The following DDAH1 variants were observed in gnomAD, a reference collection of about 807,000 sequenced individuals.
DDAH1 encodes the protein N(G),N(G)-dimethylarginine dimethylaminohydrolase 1.
Under a neutral mutation model 28.8 loss-of-function variants are expected in DDAH1, and 19 were observed. The observed-to-expected ratio is 0.66, with a 90% confidence interval of 0.46 to 0.97. The LOEUF is 0.97. DDAH1 is among the 50% of genes least tolerant of loss of function. The pLI, the probability that DDAH1 is intolerant of heterozygous loss-of-function variation, is 0.00. For missense variants in DDAH1, 326 were observed against 375.9 expected (o/e 0.87, Z 1.10); for synonymous variants, 153 against 154.4 (o/e 0.99, Z 0.07).
intron 1 of DDAH1, among the ~76,000 whole-genome samples, chr1:85,568,387 T>C (rs1456405185): frequency 6.6e-6 from 1 of 152,234 alleles, no homozygotes; most frequent in African/African-American, 2.4e-5. Flanking sequence ...AATGGAATCC[T>C]GGAGCACTGT....
At chr1:85,344,746 T>C (rs893826905) in intron 4 of DDAH1, among the ~76,000 whole-genome samples, 11 of 152,198 alleles carry the variant, frequency 7.2e-5, no homozygotes, top group South Asian at 2.1e-4. Context: ...CCTGTGACGA[T>C]AGCATGTAAT....
chr1:85,515,819 A>G (rs1657449548), intron 1 of DDAH1, among the ~76,000 whole-genome samples: 3 of 152,230 alleles, frequency 2.0e-5, no homozygotes, highest in Admixed American at 2.0e-4. Flanking sequence ...GATTTAAAAC[A>G]TAGTGGATGA....
At chr1:85,508,013 G>A (rs923677287) in intron 1 of DDAH1, among the ~76,000 whole-genome samples, 9 of 152,138 alleles carry the variant, frequency 5.9e-5, no homozygotes, top group African/African-American at 2.2e-4. Context: ...AATTTCATCT[G>A]TACCCCATCA....
At chr1:85,536,124 C>G (rs1420880113) in intron 1 of DDAH1, among the ~76,000 whole-genome samples, 75 of 151,734 alleles carry the variant, frequency 4.9e-4, no homozygotes, top group African/African-American at 1.7e-3. Flanking sequence ...GTAATCCCAG[C>G]TACTTGGAAG....
chr1:85,408,280 T>C (rs1035981134), intron 1 of DDAH1, among the ~76,000 whole-genome samples: 1 of 139,392 alleles, frequency 7.2e-6, no homozygotes, highest in Non-Finnish European at 1.5e-5. Flanking sequence ...CCCTTACCTT[T>C]TTCTCCTTCT....
chr1:85,547,442 C>G (rs1658660819), intron 1 of DDAH1, among the ~76,000 whole-genome samples: 1 of 152,162 alleles, frequency 6.6e-6, no homozygotes, highest in Non-Finnish European at 1.5e-5. Flanking sequence ...GAACCTTAGT[C>G]CTGATTCCTT....
At chr1:85,571,142 C>G (rs914641872) in intron 1 of DDAH1, among the ~76,000 whole-genome samples, 2 of 152,156 alleles carry the variant, frequency 1.3e-5, no homozygotes, top group Non-Finnish European at 2.9e-5. Flanking sequence ...GGCGTTTGGC[C>G]CATGGCGGTG....
intron 4 of DDAH1, among the ~76,000 whole-genome samples, chr1:85,333,029 C>T (rs921436050): frequency 3.0e-5 from 4 of 132,374 alleles, no homozygotes; most frequent in African/African-American, 5.5e-5. Flanking sequence ...CAAAATCAGC[C>T]CTCTGGACTT....
intron 1 of DDAH1, among the ~76,000 whole-genome samples, chr1:85,530,916 G>C (rs1485784925): frequency 6.7e-6 from 1 of 149,424 alleles, no homozygotes; most frequent in African/African-American, 2.5e-5. Flanking sequence ...ACTTGAACCT[G>C]GGAGGTGGAG....
chr1:85,479,244 G>A (rs1292688712), intron 2 of DDAH1, among the ~76,000 whole-genome samples: 1 of 142,918 alleles, frequency 7.0e-6, no homozygotes, highest in African/African-American at 2.6e-5. Flanking sequence ...CGCGATCTCG[G>A]CTCACTGCAA....
chr1:85,376,834 GAGTA>G (rs769890561), intron 1 of DDAH1: 3 of 149,822 alleles, frequency 2.0e-5, no homozygotes, highest in African/African-American at 4.9e-5. Flanking sequence ...AAGCCACCGA[GAGTA>G]AGTGTTAAAG....
At chr1:85,419,692 G>A (rs896023421) in intron 1 of DDAH1, among the ~76,000 whole-genome samples, 9 of 151,952 alleles carry the variant, frequency 5.9e-5, no homozygotes, top group East Asian at 1.9e-4. Flanking sequence ...GCCTTCTTAC[G>A]TTAGTATGAT....
chr1:85,562,578 T>C (rs1489549261), intron 1 of DDAH1, among the ~76,000 whole-genome samples: 4 of 151,862 alleles, frequency 2.6e-5, no homozygotes, highest in Non-Finnish European at 5.9e-5. Flanking sequence ...TACCCTTCCA[T>C]AGAAAGAGGA....
intron 5 of DDAH1, 60 bp from the exon 6 acceptor site, chr1:85,321,628 G>A (rs1009527211): frequency 3.9e-6 from 5 of 1,290,782 alleles, no homozygotes; most frequent in African/African-American, 1.5e-5. Flanking sequence ...ATCCTCAGAA[G>A]TGGAGAATCA....
intron 1 of DDAH1, among the ~76,000 whole-genome samples, chr1:85,574,837 G>C (rs1659553776): frequency 6.6e-6 from 1 of 152,100 alleles, no homozygotes; most frequent in Non-Finnish European, 1.5e-5. Context: ...CTTGAGGCCA[G>C]AAATTCGAGA....
intron 1 of DDAH1, among the ~76,000 whole-genome samples, chr1:85,393,254 A>C (rs1197014568): frequency 6.6e-6 from 1 of 152,222 alleles, no homozygotes; most frequent in African/African-American, 2.4e-5. Flanking sequence ...TCTAGTGTAC[A>C]GATCAGGAGA....
chr1:85,332,143 G>T (rs1410549217), intron 4 of DDAH1, among the ~76,000 whole-genome samples: 1 of 152,170 alleles, frequency 6.6e-6, no homozygotes, highest in Middle Eastern at 3.2e-3. Context: ...CTTAGTTCTG[G>T]ACAGATAGAG....
At chr1:85,543,716 T>A (rs1381326724) in intron 1 of DDAH1, among the ~76,000 whole-genome samples, 1 of 152,226 alleles carries the variant, frequency 6.6e-6, no homozygotes, top group Non-Finnish European at 1.5e-5. Flanking sequence ...AATAATTTGA[T>A]GGGTTTTATC....
intron 1 of DDAH1, among the ~76,000 whole-genome samples, chr1:85,432,487 T>C (rs886914428): frequency 1.3e-5 from 2 of 152,190 alleles, no homozygotes; most frequent in Non-Finnish European, 2.9e-5. Context: ...TTCTGACCAA[T>C]TTCCAGTAGA....
Sources: gnomAD v4.1 joint callset for allele counts (sites outside exome capture counted in the v4.1 genomes callset) on GRCh38, gnomAD v4.1.1 for gene constraint, MANE v1.5 for transcripts, NCBI Gene and HGNC (gene_info 2026-07-23, HGNC 2026-07-21) for gene names.